The following STT3B variants were observed in gnomAD, a reference collection of about 807,000 sequenced individuals.
The protein encoded by STT3B is STT3 oligosaccharyltransferase complex catalytic subunit B, also known as dolichyl-diphosphooligosaccharide--protein glycosyltransferase subunit STT3B.
STT3B carries 29 observed loss-of-function variants against 96.8 expected under a neutral mutation model. The ratio of observed to expected loss-of-function variants is 0.30; its 90% CI spans 0.22 to 0.41. The LOEUF (loss-of-function observed/expected upper bound fraction) is 0.41. STT3B is among the 10% of genes least tolerant of loss of function. The probability of loss-of-function intolerance (pLI) is 1.00; values close to 1 mark genes in which losing one functional copy is unlikely to be tolerated. For synonymous variants in STT3B, 367 were observed against 360.0 expected (o/e 1.02, Z -0.22); for missense variants, 640 against 1,022.3 (o/e 0.63, Z 5.10).
chr3:31,548,730 A>G lies in STT3B; in HGVS notation c.314+15418A>G, dbSNP rs188106814. Among the ~76,000 whole-genome samples the G allele has an allele frequency of 1.5e-3, 222 of 152,208 alleles. 2 individuals are homozygous for G. Among genetic ancestry groups the G allele is most frequent in the Non-Finnish European group, 2.3e-3 (155 of 67,992 alleles). ...TTTCTGTTCGGAAAGGGGGTGAAGA[A>G]CCTTCCCCCCTTTGAGGGAGATAAG... On this transcript the variant is annotated intron_variant, in intron 1 of 15. Transcript: ENST00000295770.
chr3:31,619,964 G>A, intron 9 of STT3B, 134 bp downstream of exon 9: 1 of 1,508,312 alleles, frequency 6.6e-7, no homozygotes. Context: ...ATTTTGCATA[G>A]GTGCTTAACC....
At position 31,637,353 on chromosome 3, in the gene STT3B, T is replaced by C. The variant is rs192020691; in HGVS notation, c.*1289T>C. ...GTACCTTTTATGAAGAAAAATGTAA[T>C]TTACAATATTCAGTGAGAATGTTAC... On this transcript the variant is annotated 3_prime_UTR_variant, in exon 16 of 16. Transcript: ENST00000295770. 3.9e-5 allele frequency: 6 copies of C among 152,306 alleles called. No individual in the cohort carries two copies. In the East Asian group the frequency reaches 1.2e-3, roughly 29 times the overall value. The allele number at this position is 152,306 out of a possible 1,614,324, so 9.4% of individuals were successfully genotyped here.
rs1359855349 is a variant in STT3B at position 31,637,292 on chromosome 3, C to T, written c.*1228C>T. On this transcript the variant is annotated 3_prime_UTR_variant, in exon 16 of 16. Transcript: ENST00000295770. ...TTTTTTTTATATAACAAGCATAACA[C>T]ACCACTGCTTTTGGTGGAAAAGTGC... 1 of 152,112 alleles carries T rather than the reference C, an allele frequency of 6.6e-6. No homozygotes were observed. The highest frequency in any genetic ancestry group is 1.5e-5 in the Non-Finnish European group (1 of 68,004). The allele number at this position is 152,112 out of a possible 1,614,324, so 9.4% of individuals were successfully genotyped here. A position where few individuals can be genotyped will look rare whatever the true frequency, so the allele number is the denominator to read the frequency against.
Position 31,636,022 on chromosome 3 carries a change from G to A in STT3B, c.2439G>A (p.Leu813=). 6.2e-7 allele frequency: 1 copy of A among 1,608,878 alleles called. No homozygotes were observed. The highest frequency in any genetic ancestry group is 8.5e-7 in the Non-Finnish European group (1 of 1,177,538). The part of the protein sequence containing the change: ...KRKRGYIKNK[L]VFKKGKKISK... ...AGCGTGGCTACATTAAAAATAAGCT[G>A]GTTTTTAAGAAAGGCAAGAAAATAT... is the stretch of plus-strand genomic sequence containing the variant. The change falls in exon 16 of 16, where the codon CTG becomes CTA. Residue 813 remains leucine, a synonymous_variant. Coordinates refer to ENST00000295770, the MANE Select transcript of STT3B (RefSeq NM_178862.3).
intron 1 of STT3B, among the ~76,000 whole-genome samples, chr3:31,564,076 T>C (rs1238287346): frequency 6.6e-6 from 1 of 152,184 alleles, no homozygotes; most frequent in Non-Finnish European, 1.5e-5. Context: ...GAGTATTCCC[T>C]GAATGAAAAT....
Position 31,636,054 on chromosome 3 carries a change from A to C in STT3B, c.2471A>C (p.Lys824Thr), listed in dbSNP as rs758472286. ...AAGAAAGGCAAGAAAATATCTAAGAAGACTGTTTAAATGCACTGTTCTGGT... is the reference window on the plus strand; with the variant it reads ...AAGAAAGGCAAGAAAATATCTAAGACGACTGTTTAAATGCACTGTTCTGGT... Reference protein sequence around the residue: ...VFKKGKKISKKTV With the variant: ...VFKKGKKISKTTV The change falls in exon 16 of 16, where the codon AAG becomes ACG. Residue 824 changes from lysine to threonine, a missense_variant. Lys to Thr is a moderately conservative substitution (Grantham distance 78, BLOSUM62 -1). This residue lies in a region of STT3B where 51 missense variants were observed against 64.2 expected (regional missense o/e 0.79). Transcript: ENST00000295770. 3.1e-6 allele frequency: 5 copies of C among 1,607,532 alleles called. No homozygotes were observed. In the East Asian group the frequency reaches 8.9e-5, roughly 29 times the overall value.
intron 5 of STT3B, among the ~76,000 whole-genome samples, chr3:31,604,456 A>G (rs1699003311): frequency 1.3e-5 from 2 of 152,126 alleles, no homozygotes; most frequent in Admixed American, 6.6e-5. Context: ...AAAAAAGAAA[A>G]GTTCCCGGAT....
At chr3:31,546,720 T>G (rs1275659945) in intron 1 of STT3B, among the ~76,000 whole-genome samples, 1 of 152,254 alleles carries the variant, frequency 6.6e-6, no homozygotes, top group Non-Finnish European at 1.5e-5. Context: ...GACTGGGTTG[T>G]TTAGTCTCAC....
At chr3:31,583,096 TG>T (rs1698448395) in intron 3 of STT3B, among the ~76,000 whole-genome samples, 1 of 152,204 alleles carries the variant, frequency 6.6e-6, no homozygotes, top group Non-Finnish European at 1.5e-5. Flanking sequence ...ATCTCCTGTC[TG>T]GTTGTTCTAT....
Position 31,580,099 on chromosome 3 carries a change from A to G in STT3B, c.711+3A>G. ...TTCAGTTCACATACTATTTATGGGT[A>G]AGTGACATTTAATGTTTTGCTGCCA... is the stretch of plus-strand genomic sequence containing the variant. On this transcript the variant is annotated splice_donor_region_variant and intron_variant, in intron 3 of 15. Transcript: ENST00000295770. The G allele has an allele frequency of 1.9e-6, 3 of 1,605,404 alleles. No homozygotes were observed. Among genetic ancestry groups the G allele is most frequent in the African/African-American group, 1.3e-5 (1 of 74,776 alleles).
intron 7 of STT3B, 33 bp from the exon 8 acceptor site, chr3:31,617,907 C>T: frequency 2.7e-6 from 4 of 1,479,720 alleles, no homozygotes; most frequent in Non-Finnish European, 2.8e-6. Context: ...AATAAAAAGG[C>T]AGATTAATTT....
chr3:31,561,290 T>A (rs1240283968), intron 1 of STT3B, among the ~76,000 whole-genome samples: 1 of 152,020 alleles, frequency 6.6e-6, no homozygotes, highest in Non-Finnish European at 1.5e-5. Flanking sequence ...TTTAAAAAAA[T>A]TTTATGGGTA....
chr3:31,617,965 G>A lies in STT3B; in HGVS notation c.1149G>A (p.Arg383=). The A allele has an allele frequency of 1.2e-6, 2 of 1,606,302 alleles. No individual in the cohort carries two copies. Among genetic ancestry groups the A allele is most frequent in the South Asian group, 1.1e-5 (1 of 90,782 alleles). ...GTTACATTGCACCATGGAGTGGCAG[G>A]TTTTATTCATTGTGGGATACTGGGT... is the stretch of plus-strand genomic sequence containing the variant. ...YTGYIAPWSG[R]FYSLWDTGYA... The change falls in exon 8 of 16, where the codon AGG becomes AGA. Residue 383 remains arginine (R), a synonymous_variant. Coordinates refer to ENST00000295770, the MANE Select transcript of STT3B (RefSeq NM_178862.3).
chr3:31,555,909 T>C lies in STT3B; in HGVS notation c.315-20487T>C, dbSNP rs962069002. On this transcript the variant is annotated intron_variant, in intron 1 of 15. Transcript: ENST00000295770. ...TTCTACGTGTTGGGAACATTTCAAG[T>C]TCTCTCTTTTAGCTACTTTGAAATA... Among the ~76,000 whole-genome samples the C allele has an allele frequency of 3.3e-5, 5 of 152,278 alleles. 1 individual carries two copies. The highest frequency in any genetic ancestry group is 1.9e-4 in the East Asian group (1 of 5,190).
chr3:31,608,153 T>G (rs1220116056), intron 5 of STT3B, among the ~76,000 whole-genome samples: 1 of 152,166 alleles, frequency 6.6e-6, no homozygotes, highest in East Asian at 1.9e-4. Flanking sequence ...TTATTGTACC[T>G]TCAAGGTAGG....
chr3:31,543,909 C>T (rs1047981554), intron 1 of STT3B, among the ~76,000 whole-genome samples: 1 of 151,610 alleles, frequency 6.6e-6, no homozygotes, highest in African/African-American at 2.4e-5. Context: ...GAAGACAGAC[C>T]AGTTAATATA....
intron 1 of STT3B, among the ~76,000 whole-genome samples, chr3:31,534,927 T>C (rs1398154281): frequency 6.6e-6 from 1 of 152,166 alleles, no homozygotes; most frequent in Non-Finnish European, 1.5e-5. Context: ...TATTATTAGG[T>C]GGTCTTGTTT....
intron 1 of STT3B, among the ~76,000 whole-genome samples, chr3:31,570,678 C>A (rs573134583): frequency 1.3e-5 from 2 of 152,024 alleles, no homozygotes; most frequent in Admixed American, 6.5e-5. Flanking sequence ...GTGATAAAAA[C>A]AGATTTTATT....
rs1325961266 is a variant in STT3B at position 31,637,165 on chromosome 3, T to TC, written c.*1102dup. ...AAATGTAAATGGAGATTGAACAAGT[T>TC]CACTTTCCAGCTTATAGGCAACTTT... On this transcript the variant is annotated 3_prime_UTR_variant, in exon 16 of 16. Coordinates refer to ENST00000295770, the MANE Select transcript of STT3B (RefSeq NM_178862.3). 4 of 152,182 alleles carry TC rather than the reference T, an allele frequency of 2.6e-5. No homozygotes were observed. The highest frequency in any genetic ancestry group is 9.6e-5 in the African/African-American group (4 of 41,452). 9.4% of individuals were successfully genotyped at this position (152,182 alleles called of 1,614,324 possible). A position where few individuals can be genotyped will look rare whatever the true frequency, so the allele number is the denominator to read the frequency against.
Sources: gnomAD v4.1 joint callset for allele counts (sites outside exome capture counted in the v4.1 genomes callset) on GRCh38, gnomAD v4.1.1 for gene constraint, gnomAD v4.1.1 regional missense constraint, MANE v1.5 for transcripts, NCBI Gene and HGNC (gene_info 2026-07-23, HGNC 2026-07-21) for gene names.